NXN: variants seen among roughly 807,000 people sequenced by gnomAD.
The protein encoded by NXN is nucleoredoxin 1.
A neutral mutation model predicts 48.6 loss-of-function variants in NXN; 16 were observed. That is an observed-to-expected ratio of 0.33 (90% CI 0.22 to 0.50). The LOEUF is 0.50. Among genes scored for constraint, NXN ranks in the 20% least tolerant of loss-of-function variants. NXN has a pLI of 0.98. For synonymous variants in NXN, 281 were observed against 269.6 expected (o/e 1.04, Z -0.41); for missense variants, 492 against 605.5 (o/e 0.81, Z 1.97).
chr17:837,802 A>G (rs1280787757), intron 1 of NXN, among the ~76,000 whole-genome samples: 1 of 152,192 alleles, frequency 6.6e-6, no homozygotes, highest in Non-Finnish European at 1.5e-5. Context: ...GGTCCGGGCC[A>G]GGCTGATCCG....
At chr17:804,972 C>G (rs1345055480) in intron 6 of NXN, 96 bp downstream of exon 6, 3 of 1,330,486 alleles carry the variant, frequency 2.3e-6, no homozygotes, top group South Asian at 1.3e-5. Context: ...CTGCTGGTGA[C>G]AGAGAGAAGC....
chr17:971,189 GC>G (rs954418870), intron 1 of NXN, among the ~76,000 whole-genome samples: 10 of 151,912 alleles, frequency 6.6e-5, no homozygotes, highest in Non-Finnish European at 1.3e-4. Flanking sequence ...CAGGTGATCC[GC>G]CCACCTCGGC....
chr17:861,887 T>C (rs1325495566), intron 1 of NXN, among the ~76,000 whole-genome samples: 1 of 151,896 alleles, frequency 6.6e-6, no homozygotes, highest in African/African-American at 2.4e-5. Flanking sequence ...TGGAGTGCAG[T>C]GGCATGATCT....
chr17:951,900 G>A (rs1165292193), intron 1 of NXN, among the ~76,000 whole-genome samples: 2 of 152,288 alleles, frequency 1.3e-5, no homozygotes, highest in East Asian at 3.9e-4. Flanking sequence ...GGGGAGCTCA[G>A]CCTCCCCGAG....
intron 1 of NXN, among the ~76,000 whole-genome samples, chr17:841,617 C>G (rs1914295422): frequency 7.8e-6 from 1 of 127,872 alleles, no homozygotes. Context: ...CACAGAGCAT[C>G]TCACACGGGC....
At position 875,573 on chromosome 17, in the gene NXN, GT is replaced by G. The variant is rs529220854; in HGVS notation, c.361-49496del. On this transcript the variant is annotated intron_variant, in intron 1 of 7. Coordinates refer to ENST00000336868, the MANE Select transcript of NXN (RefSeq NM_022463.5). ...TCAGACTAGTGTGAAATGAAATAGGGTTTTTTTGTTGTTTTGGTTGTGGTGT... is the reference window on the plus strand; with the variant it reads ...TCAGACTAGTGTGAAATGAAATAGGGTTTTTTGTTGTTTTGGTTGTGGTGT... Among the ~76,000 whole-genome samples the G allele has an allele frequency of 2.8e-3, 433 of 151,992 alleles. 2 individuals carry two copies. The highest frequency in any genetic ancestry group is 6.8e-3 in the Middle Eastern group (2 of 294).
intron 2 of NXN, among the ~76,000 whole-genome samples, chr17:824,936 G>T (rs550120237): frequency 5.9e-5 from 9 of 152,240 alleles, no homozygotes; most frequent in African/African-American, 2.2e-4. Context: ...TCGGGCTCGG[G>T]ATCCACACGG....
intron 1 of NXN, among the ~76,000 whole-genome samples, chr17:851,074 C>T (rs1001069348): frequency 6.6e-6 from 1 of 152,282 alleles, no homozygotes; most frequent in African/African-American, 2.4e-5. Context: ...GCACAGCTTC[C>T]TGGGACAGGC....
chr17:925,529 C>T (rs1019011108), intron 1 of NXN, among the ~76,000 whole-genome samples: 3 of 152,228 alleles, frequency 2.0e-5, no homozygotes, highest in Non-Finnish European at 2.9e-5. Context: ...GCTGGGATTA[C>T]AGGCGCCCGC....
chr17:904,813 G>A (rs1454680494), intron 1 of NXN, among the ~76,000 whole-genome samples: 1 of 152,172 alleles, frequency 6.6e-6, no homozygotes, highest in Non-Finnish European at 1.5e-5. Flanking sequence ...CAAAGTGCTG[G>A]GATGACAGGC....
rs1490220178 is a variant in NXN at position 978,351 on chromosome 17, C to G, written c.360+968G>C. On this transcript the variant is annotated intron_variant, in intron 1 of 7. Coordinates refer to ENST00000336868, the MANE Select transcript of NXN (RefSeq NM_022463.5). This position sits in a 1 kb window ranked among gnomAD's most constrained non-coding sequence, Gnocchi z 4.1. ...TTATTATCACAGAGACAGACATCCT[C>G]ACCCAAGGGACACACTCAGAAACCC... The G allele has an allele frequency of 6.6e-6, 1 of 152,292 alleles. No individual in the cohort carries two copies. The highest frequency in any genetic ancestry group is 1.5e-5 in the Non-Finnish European group (1 of 68,058). 9.4% of individuals were successfully genotyped at this position (152,292 alleles called of 1,614,324 possible). A position where few individuals can be genotyped will look rare whatever the true frequency, so the allele number is the denominator to read the frequency against.
chr17:813,439 C>T lies in NXN; in HGVS notation c.820+6000G>A, dbSNP rs531167350. Among the ~76,000 whole-genome samples, 137 of 152,364 alleles carry T rather than the reference C, an allele frequency of 9.0e-4. 2 individuals are homozygous for T. The South Asian group carries it at 0.027, about 30-fold the overall frequency. On this transcript the variant is annotated intron_variant, in intron 5 of 7. Transcript: ENST00000336868. ...GGCACCACAAATAGGGCCATCGACGCGGACGGAATGCCGCACGTGGGGCTC... is the reference window on the plus strand; with the variant it reads ...GGCACCACAAATAGGGCCATCGACGTGGACGGAATGCCGCACGTGGGGCTC...
rs562875101 is a variant in NXN at position 825,151 on chromosome 17, G to A, written c.478+810C>T. 2.6e-5 allele frequency among the ~76,000 whole-genome samples: 4 copies of A among 151,828 alleles called. No homozygotes were observed. The highest frequency in any genetic ancestry group is 4.8e-5 in the African/African-American group (2 of 41,432). ...GAGGATGAGTTGAGCTCAGGAGGTC[G>A]AGGCTGCAGTGAACCGGGATCATGC... On this transcript the variant is annotated intron_variant, in intron 2 of 7. Coordinates refer to ENST00000336868, the MANE Select transcript of NXN (RefSeq NM_022463.5). The surrounding 1 kb of genome is among the most constrained non-coding windows in gnomAD (Gnocchi z 4.1).
chr17:853,819 G>A (rs778702139), intron 1 of NXN, among the ~76,000 whole-genome samples: 7 of 150,422 alleles, frequency 4.7e-5, no homozygotes, highest in Non-Finnish European at 1.0e-4. Context: ...GCCTCCCCGG[G>A]TTCAAGTGAT....
At position 956,032 on chromosome 17, in the gene NXN, G is replaced by A. The variant is rs555365760; in HGVS notation, c.360+23287C>T. ...GTTTCCCTGCCTGTCAAAGAAGACT[G>A]TGGCCACATAATCCCCCTGTCCTTT... On this transcript the variant is annotated intron_variant, in intron 1 of 7. Transcript: ENST00000336868. This position sits in a 1 kb window ranked among gnomAD's most constrained non-coding sequence, Gnocchi z 4.1. Among the ~76,000 whole-genome samples, 3 of 142,456 alleles carry A rather than the reference G, an allele frequency of 2.1e-5. No individual in the cohort carries two copies. In the South Asian group the frequency reaches 6.3e-4, roughly 30 times the overall value. The allele number at this position is 142,456 out of a possible 152,430, so 93.5% of individuals were successfully genotyped here.
At chr17:812,688 AC>A (rs1912164154) in intron 5 of NXN, among the ~76,000 whole-genome samples, 4 of 106,734 alleles carry the variant, frequency 3.7e-5, no homozygotes, top group African/African-American at 1.3e-4. Flanking sequence ...AGGTGTGTGC[AC>A]ATATGAATGT....
intron 1 of NXN, among the ~76,000 whole-genome samples, chr17:838,629 T>C (rs1450038324): frequency 6.6e-6 from 1 of 152,176 alleles, no homozygotes; most frequent in East Asian, 1.9e-4. Flanking sequence ...ACGTTACATA[T>C]ATTTGGCCAC....
chr17:858,723 C>T (rs1164004694), intron 1 of NXN, among the ~76,000 whole-genome samples: 7 of 149,386 alleles, frequency 4.7e-5, no homozygotes, highest in Non-Finnish European at 7.4e-5. Context: ...AGCGAGACTC[C>T]GTCTCAAAAA....
intron 1 of NXN, among the ~76,000 whole-genome samples, chr17:964,233 A>C (rs1271688465): frequency 2.0e-5 from 3 of 152,218 alleles, no homozygotes; most frequent in Non-Finnish European, 2.9e-5. Context: ...GCATGTACAG[A>C]GACAGATAAA....
Sources: gnomAD v4.1 joint callset for allele counts (sites outside exome capture counted in the v4.1 genomes callset) on GRCh38, gnomAD v4.1.1 for gene constraint, Gnocchi (gnomAD v3.1) non-coding constraint, MANE v1.5 for transcripts, NCBI Gene and HGNC (gene_info 2026-07-23, HGNC 2026-07-21) for gene names.